LOC728743: variants seen among roughly 807,000 people sequenced by gnomAD.
chr7:150,409,144 A>C, the LOC728743 span, among the ~76,000 whole-genome samples: 42 of 125,638 alleles, frequency 3.3e-4, no homozygotes, highest in Admixed American at 3.4e-3. Flanking sequence ...TTTTCAAGGG[A>C]GGGGGGGTCC....
At chr7:150,407,551 C>G in the LOC728743 span, 1 of 398,076 alleles carries the variant, frequency 2.5e-6, no homozygotes, top group Admixed American at 4.4e-5. Context: ...CTCTCTCCAC[C>G]CCCCACCCCC....
the LOC728743 span, chr7:150,408,263 G>A: frequency 2.6e-6 from 1 of 381,092 alleles, no homozygotes; most frequent in East Asian, 3.8e-5. Flanking sequence ...TTCCCGCCCC[G>A]CACGTGCGTC....
the LOC728743 span, chr7:150,407,579 CCT>C: frequency 2.5e-6 from 1 of 398,378 alleles, no homozygotes; most frequent in Admixed American, 4.4e-5. Context: ...CTTCTGTCTC[CCT>C]AGGGACTGGT....
At chr7:150,406,346 G>T in the LOC728743 span, among the ~76,000 whole-genome samples, 1 of 152,182 alleles carries the variant, frequency 6.6e-6, no homozygotes, top group South Asian at 2.1e-4. Context: ...AGTTTTGGTG[G>T]GGGTCGTGGG....
At chr7:150,408,123 G>A in the LOC728743 span, 1 of 385,182 alleles carries the variant, frequency 2.6e-6, no homozygotes, top group East Asian at 3.7e-5. Context: ...TGCCCCCGCT[G>A]CGGCAAGAGC....
chr7:150,407,246 A>G, the LOC728743 span, among the ~76,000 whole-genome samples: 1 of 152,026 alleles, frequency 6.6e-6, no homozygotes, highest in East Asian at 1.9e-4. Flanking sequence ...GAGTCGGGGG[A>G]CAGAGGTGGC....
At chr7:150,404,075 C>T in the LOC728743 span, among the ~76,000 whole-genome samples, 3 of 152,212 alleles carry the variant, frequency 2.0e-5, 1 homozygote, top group Admixed American at 2.0e-4. Context: ...TCAGGCACAG[C>T]GCCACCCCAA....
the LOC728743 span, chr7:150,407,563 C>G: frequency 2.5e-6 from 1 of 398,228 alleles, no homozygotes; most frequent in East Asian, 3.6e-5. Flanking sequence ...CCCACCCCCG[C>G]CCCCGCTTCT....
chr7:150,401,037 G>A, the LOC728743 span: 3 of 152,306 alleles, frequency 2.0e-5, no homozygotes, highest in Admixed American at 2.0e-4. Context: ...GGGGATCTGT[G>A]GCCACGTGGT....
the LOC728743 span, among the ~76,000 whole-genome samples, chr7:150,407,278 T>A: frequency 6.6e-6 from 1 of 152,054 alleles, no homozygotes; most frequent in Admixed American, 6.5e-5. Flanking sequence ...TCGTGCAGTA[T>A]GATCAGTGAG....
chr7:150,406,330 A>T, the LOC728743 span, among the ~76,000 whole-genome samples: 1 of 152,130 alleles, frequency 6.6e-6, no homozygotes, highest in Non-Finnish European at 1.5e-5. Flanking sequence ...GCCCTGCAGG[A>T]GCCCAAGTTT....
the LOC728743 span, chr7:150,411,757 C>A: frequency 6.6e-6 from 1 of 152,338 alleles, no homozygotes. Context: ...GATCCTTGGC[C>A]GACCTAGAGG....
chr7:150,410,175 G>T, the LOC728743 span: 11 of 398,666 alleles, frequency 2.8e-5, no homozygotes, highest in East Asian at 3.9e-4. Context: ...GAGTGGGCAG[G>T]ATCTTAAGAC....
chr7:150,404,570 T>C, the LOC728743 span: 1 of 152,250 alleles, frequency 6.6e-6, no homozygotes, highest in Non-Finnish European at 1.5e-5. Flanking sequence ...AAGGGCTTTG[T>C]AAAAGGCAAA....
At chr7:150,411,408 G>A in the LOC728743 span, 1 of 152,816 alleles carries the variant, frequency 6.5e-6, no homozygotes, top group Non-Finnish European at 1.5e-5. Context: ...GTATGCAGCA[G>A]TGCAGTTGAA....
the LOC728743 span, among the ~76,000 whole-genome samples, chr7:150,402,122 T>C: frequency 6.6e-6 from 1 of 152,244 alleles, no homozygotes; most frequent in Non-Finnish European, 1.5e-5. Flanking sequence ...CTTGAATGGT[T>C]ACTTGCAGAG....
chr7:150,410,956 G>A, the LOC728743 span: 1 of 152,334 alleles, frequency 6.6e-6, no homozygotes, highest in Non-Finnish European at 1.5e-5. Flanking sequence ...GAATTCCGAG[G>A]AGCCCTTTTT....
At chr7:150,407,555 C>T in the LOC728743 span, 6 of 398,100 alleles carry the variant, frequency 1.5e-5, no homozygotes, top group Admixed American at 8.8e-5. Context: ...CTCCACCCCC[C>T]ACCCCCGCCC....
the LOC728743 span, chr7:150,412,160 T>C: frequency 6.6e-6 from 1 of 152,346 alleles, no homozygotes; most frequent in African/African-American, 2.4e-5. Context: ...AGGAAACACT[T>C]GTCGGCTGAC....
Sources: allele counts gnomAD v4.1 joint callset (sites outside exome capture counted in the v4.1 genomes callset), GRCh38; gene constraint gnomAD v4.1.1; transcripts MANE v1.5.